Variants in NPAS3 observed in about 807,000 individuals in gnomAD.
NPAS3 encodes neuronal PAS domain protein 3.
Under a neutral mutation model 73.1 loss-of-function variants are expected in NPAS3, and 14 were observed. The observed-to-expected ratio is 0.19, with a 90% CI of 0.13 to 0.30. NPAS3 has a LOEUF of 0.30. NPAS3 is among the 10% of genes least tolerant of loss of function. NPAS3 has a pLI of 1.00. For missense variants in NPAS3, 1,096 were observed against 1,250.0 expected, an observed-to-expected ratio of 0.88 and a Z score of 1.86; for synonymous variants, 620 against 541.5, an observed-to-expected ratio of 1.14 and a Z score of -2.01.
chr14:33,331,507 C>T (rs746332178), intron 3 of NPAS3, among the ~76,000 whole-genome samples: 1 of 151,962 alleles, frequency 6.6e-6, no homozygotes, highest in Non-Finnish European at 1.5e-5. Context: ...GATTATAGTG[C>T]CTTTTGAGGG....
At chr14:33,016,613 AG>A (rs1343695580) in intron 1 of NPAS3, among the ~76,000 whole-genome samples, 10 of 102,572 alleles carry the variant, frequency 9.7e-5, no homozygotes, top group African/African-American at 2.9e-4. Flanking sequence ...ACAGAAAAAA[AG>A]GAAAAAAAAA....
intron 4 of NPAS3, among the ~76,000 whole-genome samples, chr14:33,395,699 C>G (rs1386463637): frequency 1.3e-5 from 2 of 152,154 alleles, no homozygotes; most frequent in African/African-American, 4.8e-5. Flanking sequence ...ATAGCTCCCT[C>G]CTTGTTCTGT....
At chr14:32,941,807 T>A (rs1171599305) in intron 1 of NPAS3, among the ~76,000 whole-genome samples, 1 of 152,166 alleles carries the variant, frequency 6.6e-6, no homozygotes, top group Non-Finnish European at 1.5e-5. Context: ...GAAGGAGTTA[T>A]AAACTAAACC....
intron 4 of NPAS3, among the ~76,000 whole-genome samples, chr14:33,480,519 C>T (rs10138192): frequency 1.6e-5 from 2 of 123,380 alleles, no homozygotes; most frequent in Non-Finnish European, 3.3e-5. Flanking sequence ...CCCTCTCCCC[C>T]ACTCTCCCCC....
At chr14:33,580,487 T>C (rs974685284) in intron 5 of NPAS3, among the ~76,000 whole-genome samples, 2 of 152,178 alleles carry the variant, frequency 1.3e-5, no homozygotes, top group African/African-American at 4.8e-5. Flanking sequence ...AACTGTGACC[T>C]GTGGGCTTTA....
At chr14:33,087,850 C>T (rs1410199242) in intron 2 of NPAS3, among the ~76,000 whole-genome samples, 3 of 152,154 alleles carry the variant, frequency 2.0e-5, no homozygotes, top group African/African-American at 7.2e-5. Flanking sequence ...AATACATCCT[C>T]AGTGTACTCA....
chr14:33,541,469 C>T (rs1372688602), intron 4 of NPAS3, among the ~76,000 whole-genome samples: 1 of 152,166 alleles, frequency 6.6e-6, no homozygotes, highest in Admixed American at 6.5e-5. Flanking sequence ...AGACCTGGTT[C>T]TTAAATAGTC....
At chr14:33,587,577 A>G (rs980238756) in intron 5 of NPAS3, among the ~76,000 whole-genome samples, 6 of 151,848 alleles carry the variant, frequency 4.0e-5, no homozygotes, top group African/African-American at 1.4e-4. Flanking sequence ...AGTACCGGAC[A>G]CTTCTCCTCC....
intron 2 of NPAS3, among the ~76,000 whole-genome samples, chr14:33,106,135 C>G (rs967496852): frequency 6.6e-6 from 1 of 152,128 alleles, no homozygotes; most frequent in African/African-American, 2.4e-5. Flanking sequence ...GAATGTGTTT[C>G]TTTATACTAA....
intron 5 of NPAS3, among the ~76,000 whole-genome samples, chr14:33,574,906 A>G (rs531017618): frequency 6.1e-4 from 93 of 152,274 alleles, no homozygotes; most frequent in African/African-American, 2.0e-3. Flanking sequence ...TAAAGGTGAA[A>G]CCAGAACAAG....
At chr14:33,229,619 G>T (rs1236941039) in intron 3 of NPAS3, among the ~76,000 whole-genome samples, 1 of 152,204 alleles carries the variant, frequency 6.6e-6, no homozygotes, top group Non-Finnish European at 1.5e-5. Flanking sequence ...TGCTTCACAT[G>T]TGAAGTCAGT....
chr14:32,975,475 T>C (rs1566422293), intron 1 of NPAS3, among the ~76,000 whole-genome samples: 1 of 152,190 alleles, frequency 6.6e-6, no homozygotes, highest in Non-Finnish European at 1.5e-5. Context: ...AGATGTGAAC[T>C]ACTGTGCCTG....
chr14:33,324,525 C>T (rs545464390), intron 3 of NPAS3, among the ~76,000 whole-genome samples: 8 of 152,230 alleles, frequency 5.3e-5, no homozygotes, highest in South Asian at 2.1e-4. Context: ...AACGCAGAAC[C>T]GTTTTGCAAG....
intron 1 of NPAS3, among the ~76,000 whole-genome samples, chr14:32,997,602 T>G (rs2038630558): frequency 1.3e-5 from 2 of 151,970 alleles, no homozygotes; most frequent in South Asian, 4.2e-4. Flanking sequence ...CTGCACAAGC[T>G]CTCTCTTTTC....
At chr14:33,725,854 C>T (rs1307522004) in intron 6 of NPAS3, among the ~76,000 whole-genome samples, 1 of 152,116 alleles carries the variant, frequency 6.6e-6, no homozygotes, top group Admixed American at 6.5e-5. Flanking sequence ...ATCGCAAAAC[C>T]CTGTCCTTCT....
At chr14:33,271,792 G>C (rs781309538) in intron 3 of NPAS3, among the ~76,000 whole-genome samples, 3 of 151,844 alleles carry the variant, frequency 2.0e-5, no homozygotes, top group Non-Finnish European at 4.4e-5. Flanking sequence ...ATATCCATTT[G>C]GGGGGACAAT....
intron 4 of NPAS3, among the ~76,000 whole-genome samples, chr14:33,392,844 C>T (rs1036657059): frequency 7.2e-5 from 11 of 152,020 alleles, no homozygotes; most frequent in African/African-American, 2.7e-4. Flanking sequence ...TTTTTTCTTC[C>T]TCTGCTATCC....
intron 3 of NPAS3, among the ~76,000 whole-genome samples, chr14:33,237,813 G>T (rs1407707912): frequency 1.3e-5 from 2 of 151,696 alleles, no homozygotes; most frequent in Admixed American, 6.6e-5. Context: ...ACATAAAGAA[G>T]ATAAGTATAT....
intron 2 of NPAS3, among the ~76,000 whole-genome samples, chr14:33,111,328 T>G (rs1188143811): frequency 6.6e-6 from 1 of 152,182 alleles, no homozygotes; most frequent in South Asian, 2.1e-4. Context: ...GGGTAGAGCG[T>G]AGAACGGTGA....
Sources: gnomAD v4.1 joint callset for allele counts (sites outside exome capture counted in the v4.1 genomes callset) on GRCh38, gnomAD v4.1.1 for gene constraint, MANE v1.5 for transcripts, NCBI Gene and HGNC (gene_info 2026-07-23, HGNC 2026-07-21) for gene names.